Variants in CHN2 observed in about 807,000 individuals in gnomAD.
The protein encoded by CHN2 is chimerin 2.
A neutral mutation model predicts 56.3 loss-of-function variants in CHN2; 35 were observed. That is an observed-to-expected ratio of 0.62 (90% CI 0.47 to 0.82). The LOEUF is 0.82. CHN2 is among the 40% of genes least tolerant of loss of function. CHN2 has a pLI of 0.00. For synonymous variants in CHN2, 210 were observed against 212.8 expected, an observed-to-expected ratio of 0.99 and a Z score of 0.12; for missense variants, 491 against 580.5, an observed-to-expected ratio of 0.85 and a Z score of 1.58.
chr7:29,415,113 T>A (rs1363946177), intron 6 of CHN2, among the ~76,000 whole-genome samples: 2 of 152,238 alleles, frequency 1.3e-5, no homozygotes, highest in Admixed American at 6.5e-5. Context: ...AACACGGTGC[T>A]GCCAATTGCA....
rs149863925 is a variant in CHN2 at position 29,411,414 on chromosome 7, G to A, written c.576+10586G>A. Reference sequence around the variant, plus strand: ...CTTTGTGTCTATTTCATCAGGATGTGGCAGTCTCCCCACCCCACCCCCAGA... The same window carrying A: ...CTTTGTGTCTATTTCATCAGGATGTAGCAGTCTCCCCACCCCACCCCCAGA... On this transcript the variant is annotated intron_variant, in intron 6 of 12. Transcript: ENST00000222792. Among the ~76,000 whole-genome samples, 25 of 152,248 alleles carry A rather than the reference G, an allele frequency of 1.6e-4. 1 individual carries two copies. In the East Asian group the frequency reaches 4.4e-3, roughly 27 times the overall value.
At chr7:29,381,374 G>T (rs76876378) in intron 3 of CHN2, among the ~76,000 whole-genome samples, 76 of 152,218 alleles carry the variant, frequency 5.0e-4, no homozygotes, top group African/African-American at 1.5e-3. Flanking sequence ...ATGCCTAATT[G>T]GGTTGTCCAA....
At chr7:29,434,250 C>T (rs1783060740) in intron 6 of CHN2, among the ~76,000 whole-genome samples, 1 of 152,214 alleles carries the variant, frequency 6.6e-6, no homozygotes, top group East Asian at 1.9e-4. Context: ...AACTCGTCTG[C>T]ATCCCAGAGA....
chr7:29,332,341 C>G (rs1049613947), intron 1 of CHN2, among the ~76,000 whole-genome samples: 9 of 152,162 alleles, frequency 5.9e-5, no homozygotes, highest in Non-Finnish European at 5.9e-5. Context: ...AATACTTAGC[C>G]TGGAACAGAG....
chr7:29,201,548 CAA>C (rs1200398442), intron 1 of CHN2, among the ~76,000 whole-genome samples: 1 of 152,068 alleles, frequency 6.6e-6, no homozygotes, highest in Non-Finnish European at 1.5e-5. Context: ...CATAAAGGCA[CAA>C]AGATTTAAGT....
At chr7:29,432,274 G>T (rs980921609) in intron 6 of CHN2, among the ~76,000 whole-genome samples, 7 of 152,172 alleles carry the variant, frequency 4.6e-5, no homozygotes, top group African/African-American at 1.7e-4. Context: ...TGACCCAGAA[G>T]CATGAATGAT....
intron 2 of CHN2, among the ~76,000 whole-genome samples, chr7:29,178,375 T>C (rs545516215): frequency 6.6e-6 from 1 of 152,186 alleles, no homozygotes; most frequent in Non-Finnish European, 1.5e-5. Flanking sequence ...TCTGACCTGG[T>C]CTTCCTCTGC....
intron 1 of CHN2, among the ~76,000 whole-genome samples, chr7:29,310,040 A>G (rs546114155): frequency 2.6e-5 from 4 of 152,320 alleles, no homozygotes; most frequent in African/African-American, 9.6e-5. Flanking sequence ...AGGTGGGGGG[A>G]CCAAGAAGCT....
chr7:29,263,448 AC>A (rs974193437), intron 1 of CHN2, among the ~76,000 whole-genome samples: 50 of 150,104 alleles, frequency 3.3e-4, no homozygotes, highest in African/African-American at 1.2e-3. Flanking sequence ...CCCGGCCGCC[AC>A]CCCGTATAGG....
In CHN2 at chr7:29,228,017, A is replaced by C. The variant is rs187478251; in HGVS notation, c.49+33027A>C. 4.4e-3 allele frequency among the ~76,000 whole-genome samples: 672 copies of C among 152,200 alleles called. 3 individuals carry two copies. The highest frequency in any genetic ancestry group is 0.015 in the African/African-American group (611 of 41,522). ...GTTAAAGGCTTCAGATTGTATGACA[A>C]ATTCTCAGCCCTATATATTTTCTGA... On this transcript the variant is annotated intron_variant, in intron 1 of 12. Coordinates refer to ENST00000222792, the MANE Select transcript of CHN2 (RefSeq NM_004067.4).
chr7:29,386,140 A>T lies in CHN2; in HGVS notation c.145-7539A>T, dbSNP rs115749988. Among the ~76,000 whole-genome samples the T allele has an allele frequency of 5.4e-3, 816 of 152,338 alleles. 7 individuals are homozygous for T. The highest frequency in any genetic ancestry group is 0.017 in the Middle Eastern group (5 of 294). On this transcript the variant is annotated intron_variant, in intron 3 of 12. Transcript: ENST00000222792. ...TAGGCCTTAGATTCTAAATGGAAAG[A>T]AATGGGAGATTTTAGAGTCTGCTCA... is the stretch of plus-strand genomic sequence containing the variant.
At chr7:29,321,652 C>T (rs1415735601) in intron 1 of CHN2, among the ~76,000 whole-genome samples, 1 of 149,786 alleles carries the variant, frequency 6.7e-6, no homozygotes, top group Non-Finnish European at 1.5e-5. Flanking sequence ...CTCACCACAA[C>T]CTCCACCTCC....
At chr7:29,187,345 C>CTG (rs35253523) in intron 2 of CHN2, among the ~76,000 whole-genome samples, 13,660 of 149,198 alleles carry the variant, frequency 0.092, 803 homozygotes, top group East Asian at 0.2. Context: ...GTTTGTGTGT[C>CTG]TGTGTGTGTG....
chr7:29,260,728 A>G (rs1789471208), intron 1 of CHN2, among the ~76,000 whole-genome samples: 1 of 152,150 alleles, frequency 6.6e-6, no homozygotes, highest in South Asian at 2.1e-4. Context: ...TTTCAGGTGA[A>G]TATTTTATTC....
chr7:29,470,276 A>G (rs1360918490), intron 6 of CHN2, among the ~76,000 whole-genome samples: 1 of 152,242 alleles, frequency 6.6e-6, no homozygotes, highest in East Asian at 1.9e-4. Flanking sequence ...CCACTCACAC[A>G]GGAGACCAGA....
intron 6 of CHN2, chr7:29,479,962 C>T (rs1786967728): frequency 2.1e-6 from 3 of 1,453,064 alleles, no homozygotes; most frequent in Admixed American, 2.7e-5. Context: ...CAAACTGGGC[C>T]TTTCAGGTCA....
At chr7:29,275,731 C>T (rs1452734880) in intron 1 of CHN2, among the ~76,000 whole-genome samples, 2 of 152,068 alleles carry the variant, frequency 1.3e-5, no homozygotes, top group Admixed American at 6.5e-5. Context: ...CTCAGGGTCA[C>T]TCAGGTTGCA....
At chr7:29,381,668 C>T (rs930142898) in intron 3 of CHN2, among the ~76,000 whole-genome samples, 2 of 151,882 alleles carry the variant, frequency 1.3e-5, no homozygotes, top group Non-Finnish European at 2.9e-5. Context: ...AGTTCTCAGT[C>T]CTGGGTGTGA....
At chr7:29,439,484 GC>G (rs1436430141) in intron 6 of CHN2, among the ~76,000 whole-genome samples, 5 of 152,134 alleles carry the variant, frequency 3.3e-5, no homozygotes, top group Non-Finnish European at 7.3e-5. Context: ...TTCCATTCTT[GC>G]GTTTTCTTGT....
Sources: allele counts gnomAD v4.1 joint callset (sites outside exome capture counted in the v4.1 genomes callset), GRCh38; gene constraint gnomAD v4.1.1; transcripts MANE v1.5; gene names NCBI Gene and HGNC (gene_info 2026-07-23, HGNC 2026-07-21).